Variants in PTK2 observed in about 807,000 individuals in gnomAD.
The protein encoded by PTK2 is focal adhesion kinase 1.
In PTK2, 45 loss-of-function variants were observed where a neutral mutation model predicts 150.1. The observed-to-expected ratio is 0.30, with a 90% CI of 0.24 to 0.38. The LOEUF is 0.38. PTK2 is among the 10% of genes least tolerant of loss of function. The pLI, the probability that PTK2 is intolerant of heterozygous loss-of-function variation, is 1.00. For missense variants in PTK2, 919 were observed against 1,307.3 expected (o/e 0.70, Z 4.58); for synonymous variants, 432 against 449.2 (o/e 0.96, Z 0.48).
At position 140,915,020 on chromosome 8, in the gene PTK2, C is replaced by T. The variant is rs181571582; in HGVS notation, c.-33+10641G>A. Among the ~76,000 whole-genome samples, 561 of 81,254 alleles carry T rather than the reference C, an allele frequency of 6.9e-3. 4 individuals are homozygous for T. The highest frequency in any genetic ancestry group is 0.03 in the African/African-American group (536 of 18,158). The allele number at this position is 81,254 out of a possible 152,430, so 53.3% of individuals were successfully genotyped here. A position where few individuals can be genotyped will look rare whatever the true frequency, so the allele number is the denominator to read the frequency against. ...TGCACTCCAGCCTGGGCAACAAGAA[C>T]GAAACTCCAACTCAAAAAAAAAAAA... On this transcript the variant is annotated intron_variant, in intron 2 of 31. Transcript: ENST00000522684.
chr8:140,774,919 C>T (rs2100077538), intron 14 of PTK2, among the ~76,000 whole-genome samples: 1 of 152,180 alleles, frequency 6.6e-6, no homozygotes, highest in Non-Finnish European at 1.5e-5. Context: ...CTGGGAATTG[C>T]CCACCTCTTT....
At chr8:140,886,834 G>A (rs1047839839) in intron 3 of PTK2, among the ~76,000 whole-genome samples, 1 of 152,180 alleles carries the variant, frequency 6.6e-6, no homozygotes, top group African/African-American at 2.4e-5. Context: ...AAAGTCTGGT[G>A]TAAACGTCAT....
chr8:140,763,441 TA>T (rs1225742446), intron 15 of PTK2, among the ~76,000 whole-genome samples: 3 of 152,150 alleles, frequency 2.0e-5, no homozygotes, highest in Non-Finnish European at 2.9e-5. Flanking sequence ...AAGGCAGGTT[TA>T]ATTTTTTTTT....
rs1011274743 is a variant in PTK2 at position 141,000,846 on chromosome 8, C to T, written c.-122+279G>A. ...CCCCAAGCCTCCCGACCACCCAGCG[C>T]CCCGAACCCCCGCCTCCCAGCGCGC... On this transcript the variant is annotated intron_variant, in intron 1 of 31. Coordinates refer to ENST00000522684, the Ensembl canonical transcript of PTK2. 180 of 152,032 alleles carry T rather than the reference C, an allele frequency of 1.2e-3. 1 individual carries two copies. Among genetic ancestry groups the T allele is most frequent in the Non-Finnish European group, 2.4e-3 (167 of 68,372 alleles). The allele number at this position is 152,032 out of a possible 1,614,324, so 9.4% of individuals were successfully genotyped here.
chr8:140,952,559 T>C (rs2100179867), intron 1 of PTK2, among the ~76,000 whole-genome samples: 1 of 152,048 alleles, frequency 6.6e-6, no homozygotes, highest in Admixed American at 6.6e-5. Context: ...CTGACACTCA[T>C]GTGGAAATTA....
intron 10 of PTK2, among the ~76,000 whole-genome samples, chr8:140,814,039 A>T (rs2100103218): frequency 1.3e-5 from 2 of 152,338 alleles, no homozygotes; most frequent in South Asian, 2.1e-4. Context: ...TATGCACATA[A>T]ACCAGAAAAT....
intron 1 of PTK2, among the ~76,000 whole-genome samples, chr8:140,929,877 G>A (rs75788959): frequency 0.019 from 2,962 of 152,086 alleles, 103 homozygotes; most frequent in African/African-American, 0.066. Context: ...CTTTGAGAGC[G>A]CCCATAACAA....
intron 2 of PTK2, among the ~76,000 whole-genome samples, chr8:140,896,230 A>T (rs1289234187): frequency 2.0e-5 from 3 of 152,218 alleles, no homozygotes; most frequent in Non-Finnish European, 4.4e-5. Context: ...TCTTTCAACA[A>T]ATTAAGAAAT....
chr8:140,768,451 C>T (rs2100073650), intron 14 of PTK2, among the ~76,000 whole-genome samples: 1 of 152,186 alleles, frequency 6.6e-6, no homozygotes, highest in Non-Finnish European at 1.5e-5. Context: ...CACTTGAGAC[C>T]TTTCCCAGAT....
chr8:140,669,907 G>T, intron 29 of PTK2, 172 bp from the exon 33 acceptor site: 1 of 723,174 alleles, frequency 1.4e-6, no homozygotes, highest in Non-Finnish European at 2.3e-6. Context: ...CTGTTGCCAG[G>T]GTGTGGCTAC....
intron 12 of PTK2, among the ~76,000 whole-genome samples, chr8:140,797,640 T>C (rs2100092520): frequency 6.6e-6 from 1 of 152,148 alleles, no homozygotes; most frequent in Non-Finnish European, 1.5e-5. Context: ...AAAATGTTAC[T>C]ACAGAATTTT....
At position 140,721,088 on chromosome 8, in the gene PTK2, T is replaced by A. The variant is rs1359171695; in HGVS notation, c.2031-3379A>T. 4.0e-5 allele frequency among the ~76,000 whole-genome samples: 6 copies of A among 151,662 alleles called. No homozygotes were observed. The East Asian group carries it at 7.7e-4, about 19-fold the overall frequency. Reference sequence around the variant, plus strand: ...CTTTCTTTCTTTATTTTTTTTTTTTTAAAAGAGATGGAATGGTACTAAGTT... The same window carrying A: ...CTTTCTTTCTTTATTTTTTTTTTTTAAAAAGAGATGGAATGGTACTAAGTT... On this transcript the variant is annotated intron_variant, in intron 22 of 31. Transcript: ENST00000522684.
intron 2 of PTK2, among the ~76,000 whole-genome samples, chr8:140,895,989 C>G (rs1451829562): frequency 6.6e-6 from 1 of 151,620 alleles, no homozygotes; most frequent in Non-Finnish European, 1.5e-5. Flanking sequence ...TAAAATGAGT[C>G]AAGAAAAACT....
intron 1 of PTK2, among the ~76,000 whole-genome samples, chr8:140,943,056 C>T (rs1424761752): frequency 6.6e-6 from 1 of 152,182 alleles, no homozygotes; most frequent in Non-Finnish European, 1.5e-5. Flanking sequence ...GAAGCCGGTG[C>T]CATGTTTCCT....
chr8:140,691,027 C>T (rs944907880), intron 26 of PTK2, among the ~76,000 whole-genome samples: 6 of 152,242 alleles, frequency 3.9e-5, no homozygotes, highest in African/African-American at 1.4e-4. Flanking sequence ...TAAGTTGGTG[C>T]CACACAAGAG....
chr8:140,761,907 C>T (rs1422592995), intron 15 of PTK2, among the ~76,000 whole-genome samples: 1 of 151,892 alleles, frequency 6.6e-6, no homozygotes, highest in Non-Finnish European at 1.5e-5. Flanking sequence ...GACCATGTGC[C>T]TCAAATTAAT....
chr8:140,823,216 T>C (rs879526482), intron 8 of PTK2, among the ~76,000 whole-genome samples: 1 of 152,214 alleles, frequency 6.6e-6, no homozygotes, highest in South Asian at 2.1e-4. Flanking sequence ...TATTCATTCA[T>C]GACTCTAAGA....
chr8:140,885,049 A>G (rs2100151778), intron 3 of PTK2, among the ~76,000 whole-genome samples: 1 of 152,142 alleles, frequency 6.6e-6, no homozygotes, highest in Admixed American at 6.5e-5. Context: ...CAAGTACTCA[A>G]TGGTGGTGTA....
At chr8:141,001,899 T>A (rs1161606661), upstream of PTK2, 1 of 152,178 alleles carries the variant, frequency 6.6e-6, no homozygotes. Context: ...CATTATTTGA[T>A]TTTGGAAGAT....
Sources: gnomAD v4.1 joint callset for allele counts (sites outside exome capture counted in the v4.1 genomes callset) on GRCh38, gnomAD v4.1.1 for gene constraint, MANE v1.5 for transcripts, NCBI Gene and HGNC (gene_info 2026-07-23, HGNC 2026-07-21) for gene names.